Variants in KANK1 observed in about 807,000 individuals in gnomAD.
The protein encoded by KANK1 is KN motif and ankyrin repeat domains 1.
In KANK1, 109 loss-of-function variants were observed where a neutral mutation model predicts 106.2. The observed-to-expected ratio is 1.03, with a 90% CI of 0.88 to 1.20. KANK1 has a LOEUF of 1.20. Ranked by LOEUF, KANK1 falls within the 50% of genes most tolerant of loss-of-function variation. The pLI is 0.00. For synonymous variants in KANK1, 873 were observed against 652.2 expected, an observed-to-expected ratio of 1.34 and a Z score of -5.16; for missense variants, 2,399 against 1,710.7, an observed-to-expected ratio of 1.40 and a Z score of -7.10.
intron 1 of KANK1, among the ~76,000 whole-genome samples, chr9:568,946 G>C (rs76629705): frequency 6.6e-6 from 1 of 152,114 alleles, no homozygotes; most frequent in Non-Finnish European, 1.5e-5. Flanking sequence ...CACACTCATC[G>C]GGGTATATTT....
At chr9:512,913 T>A (rs936922569) in intron 1 of KANK1, among the ~76,000 whole-genome samples, 4 of 152,342 alleles carry the variant, frequency 2.6e-5, no homozygotes, top group Middle Eastern at 3.4e-3. Context: ...TTATTTTTAG[T>A]TGTCTTCTTT....
intron 3 of KANK1, among the ~76,000 whole-genome samples, chr9:719,413 T>A (rs1026482332): frequency 5.3e-5 from 8 of 152,196 alleles, no homozygotes; most frequent in Non-Finnish European, 8.8e-5. Flanking sequence ...TAAGTTTAGA[T>A]GTTCTTTAAA....
intron 1 of KANK1, among the ~76,000 whole-genome samples, chr9:632,251 T>C (rs1835917072): frequency 6.6e-6 from 1 of 152,290 alleles, no homozygotes; most frequent in South Asian, 2.1e-4. Context: ...GCCAAAAATA[T>C]TACTAAAATT....
At chr9:733,526 G>A (rs1832870309) in intron 6 of KANK1, 1 of 152,226 alleles carries the variant, frequency 6.6e-6, no homozygotes, top group African/African-American at 2.4e-5. Context: ...CAGCACGATG[G>A]ATATATGGTA....
intron 1 of KANK1, among the ~76,000 whole-genome samples, chr9:533,169 G>C (rs141749627): frequency 1.3e-5 from 2 of 152,336 alleles, no homozygotes; most frequent in East Asian, 1.9e-4. Flanking sequence ...TTGAAAAAAG[G>C]AGATAATCAT....
chr9:547,725 T>C (rs1387484519), intron 1 of KANK1, among the ~76,000 whole-genome samples: 1 of 152,140 alleles, frequency 6.6e-6, no homozygotes, highest in Non-Finnish European at 1.5e-5. Context: ...ATAAACGGTA[T>C]GAGCATGCTT....
At chr9:649,204 T>A (rs940289273) in intron 1 of KANK1, among the ~76,000 whole-genome samples, 1 of 152,214 alleles carries the variant, frequency 6.6e-6, no homozygotes, top group Admixed American at 6.5e-5. Context: ...AGTATTTCTA[T>A]TTATTGCTAT....
intron 3 of KANK1, among the ~76,000 whole-genome samples, chr9:480,967 C>G (rs944032783): frequency 6.6e-6 from 1 of 152,186 alleles, no homozygotes; most frequent in African/African-American, 2.4e-5. Flanking sequence ...TCCCAATAAA[C>G]CCACCTAAGT....
chr9:643,381 GT>G (rs915168313), intron 1 of KANK1, among the ~76,000 whole-genome samples: 1 of 150,570 alleles, frequency 6.6e-6, no homozygotes, highest in Non-Finnish European at 1.5e-5. Context: ...ACTCTTAAAT[GT>G]TTTTTTGCAG....
chr9:709,610 C>CTT (rs60899850), intron 2 of KANK1, among the ~76,000 whole-genome samples: 2,549 of 136,940 alleles, frequency 0.019, 57 homozygotes, highest in African/African-American at 0.066. Context: ...GCTTTCATGT[C>CTT]TTTTTTTTTT....
intron 1 of KANK1, among the ~76,000 whole-genome samples, chr9:632,937 A>C (rs1486266708): frequency 1.3e-5 from 2 of 151,934 alleles, no homozygotes; most frequent in African/African-American, 4.8e-5. Flanking sequence ...CAGGTGATCC[A>C]CCTGCCTCAG....
intron 1 of KANK1, among the ~76,000 whole-genome samples, chr9:605,224 G>A (rs62531539): frequency 6.0e-5 from 9 of 150,058 alleles, no homozygotes; most frequent in African/African-American, 7.4e-5. Context: ...TCACTTGAAC[G>A]TGGGAGGCAG....
chr9:513,282 C>T (rs539312421), intron 1 of KANK1, among the ~76,000 whole-genome samples: 4 of 152,350 alleles, frequency 2.6e-5, no homozygotes, highest in Non-Finnish European at 5.9e-5. Flanking sequence ...AATCTTATTA[C>T]AGACACATGG....
At position 633,506 on chromosome 9, in the gene KANK1, A is replaced by G. The variant is rs559996403; in HGVS notation, c.-83-43384A>G. 6.6e-5 allele frequency among the ~76,000 whole-genome samples: 10 copies of G among 152,260 alleles called. No individual in the cohort carries two copies. The South Asian group carries it at 1.0e-3, about 16-fold the overall frequency. On this transcript the variant is annotated intron_variant, in intron 1 of 11. Transcript: ENST00000382297. Reference sequence around the variant, plus strand: ...ACACCTTTTTTTGTCTTGCCATTCAAGTTACTTCCAACAGTGCTACCCCTT... The same window carrying G: ...ACACCTTTTTTTGTCTTGCCATTCAGGTTACTTCCAACAGTGCTACCCCTT...
intron 2 of KANK1, among the ~76,000 whole-genome samples, chr9:700,884 C>T (rs1822494822): frequency 6.6e-6 from 1 of 152,172 alleles, no homozygotes; most frequent in Non-Finnish European, 1.5e-5. Flanking sequence ...ACAAAGAAGT[C>T]AGTGTGTCCT....
At chr9:681,040 TC>T in intron 2 of KANK1, 1 of 152,148 alleles carries the variant, frequency 6.6e-6, no homozygotes. Flanking sequence ...ATAGCCAGAC[TC>T]CATCTCTACA....
At chr9:574,854 CAA>C (rs57091352) in intron 1 of KANK1, among the ~76,000 whole-genome samples, 12 of 79,208 alleles carry the variant, frequency 1.5e-4, no homozygotes, top group African/African-American at 1.7e-4. Context: ...GACTCCGTCT[CAA>C]AAAAAAAAAA....
chr9:729,446 G>A (rs1338805833), intron 3 of KANK1, among the ~76,000 whole-genome samples: 1 of 152,218 alleles, frequency 6.6e-6, no homozygotes, highest in Non-Finnish European at 1.5e-5. Context: ...GGTATTCCAG[G>A]TAGTAGAAGG....
At chr9:673,690 TATTA>T (rs2138729101) in intron 1 of KANK1, 1 of 152,272 alleles carries the variant, frequency 6.6e-6, no homozygotes, top group Non-Finnish European at 1.5e-5. Flanking sequence ...GGCCAAAGTT[TATTA>T]AGCTTGACTA....
Sources: allele counts gnomAD v4.1 joint callset (sites outside exome capture counted in the v4.1 genomes callset), GRCh38; gene constraint gnomAD v4.1.1; transcripts MANE v1.5; gene names NCBI Gene and HGNC (gene_info 2026-07-23, HGNC 2026-07-21).